GSG1L: variants seen among roughly 807,000 people sequenced by gnomAD.
GSG1L encodes the protein GSG1 like, also known as germ cell-specific gene 1-like protein.
In GSG1L, 24 loss-of-function variants were observed where a neutral mutation model predicts 42.1. The observed-to-expected ratio is 0.57, with a 90% CI of 0.41 to 0.80. The LOEUF is 0.80. GSG1L is among the 30% of genes least tolerant of loss of function. The probability of loss-of-function intolerance (pLI) is 0.00; values close to 1 mark genes in which losing one functional copy is unlikely to be tolerated. For synonymous variants in GSG1L, 215 were observed against 203.5 expected, an observed-to-expected ratio of 1.06 and a Z score of -0.48; for missense variants, 445 against 472.2, an observed-to-expected ratio of 0.94 and a Z score of 0.53.
chr16:27,840,953 G>A (rs9933050), intron 4 of GSG1L, among the ~76,000 whole-genome samples: 39,113 of 152,068 alleles, frequency 0.26, 5,460 homozygotes, highest in Middle Eastern at 0.32. Context: ...CTGAAGCTTC[G>A]AGGAAGAACC....
intron 1 of GSG1L, among the ~76,000 whole-genome samples, chr16:27,995,984 G>C (rs954198747): frequency 6.6e-6 from 1 of 151,998 alleles, no homozygotes; most frequent in Admixed American, 6.6e-5. Flanking sequence ...AGGATTGCTT[G>C]AGCCCAGGAG....
At chr16:28,022,245 TC>T (rs1361616288) in intron 1 of GSG1L, among the ~76,000 whole-genome samples, 1 of 152,136 alleles carries the variant, frequency 6.6e-6, no homozygotes, top group Non-Finnish European at 1.5e-5. Context: ...ATTTTTGACC[TC>T]AGAGGTGATT....
At position 27,834,813 on chromosome 16, in the gene GSG1L, G is replaced by A. The variant is rs543548895; in HGVS notation, c.663-5857C>T. ...GGCATTTTGTGTCTCTCCTCTGTCCGCTCTCTCTGTCACTCTTGCAAGAGG... is the reference window on the plus strand; with the variant it reads ...GGCATTTTGTGTCTCTCCTCTGTCCACTCTCTCTGTCACTCTTGCAAGAGG... On this transcript the variant is annotated intron_variant, in intron 4 of 6. Coordinates refer to ENST00000447459, the MANE Select transcript of GSG1L (RefSeq NM_001109763.2). Among the ~76,000 whole-genome samples, 134 of 152,108 alleles carry A rather than the reference G, an allele frequency of 8.8e-4. 1 individual carries two copies. In the South Asian group the frequency reaches 0.01, roughly 12 times the overall value.
At chr16:27,900,896 G>T (rs2084249249) in intron 2 of GSG1L, among the ~76,000 whole-genome samples, 2 of 151,846 alleles carry the variant, frequency 1.3e-5, no homozygotes, top group Non-Finnish European at 2.9e-5. Flanking sequence ...GGGAGGCCAT[G>T]GTGGGTGGAT....
rs769365433 is a variant in GSG1L at position 27,791,430 on chromosome 16, G to A, written c.936C>T (p.Ser312=). ...TCAGCTCTGGTGCTTCCTGTGCGGA[G>A]CTCCGGGGCCAGGAATCCGCCATGT... ...QPHMADSWPR[S]SAQEAPELNR... is the part of the protein sequence containing the mutation. Residue 312 remains serine (S), a synonymous_variant, in exon 7 of 7, where the codon AGC becomes AGT. Transcript: ENST00000447459. 1.3e-6 allele frequency: 2 copies of A among 1,522,246 alleles called. No individual in the cohort carries two copies. The highest frequency in any genetic ancestry group is 1.8e-6 in the Non-Finnish European group (2 of 1,129,302). The allele number at this position is 1,522,246 out of a possible 1,614,324, so 94.3% of individuals were successfully genotyped here.
At chr16:27,804,154 C>T (rs374274096) in intron 6 of GSG1L, among the ~76,000 whole-genome samples, 11 of 152,122 alleles carry the variant, frequency 7.2e-5, no homozygotes, top group African/African-American at 1.9e-4. Flanking sequence ...TAAAATGCCC[C>T]GGGCTCCCTG....
At chr16:27,859,801 G>A (rs942851859) in intron 3 of GSG1L, among the ~76,000 whole-genome samples, 5 of 151,940 alleles carry the variant, frequency 3.3e-5, no homozygotes, top group South Asian at 4.1e-4. Flanking sequence ...TCAGCTTCCC[G>A]AGTAGCTGAG....
intron 6 of GSG1L, among the ~76,000 whole-genome samples, chr16:27,795,963 T>A (rs1041778181): frequency 3.6e-4 from 55 of 152,198 alleles, no homozygotes; most frequent in African/African-American, 1.2e-3. Context: ...ATTCATTGGG[T>A]TGGGAGGGCC....
intron 2 of GSG1L, among the ~76,000 whole-genome samples, chr16:27,921,424 C>T (rs1052199603): frequency 2.0e-5 from 3 of 152,178 alleles, no homozygotes; most frequent in Admixed American, 6.5e-5. Context: ...GTCATTCTTA[C>T]TACTATTTAA....
chr16:28,046,746 T>C (rs1305385841), intron 1 of GSG1L, among the ~76,000 whole-genome samples: 1 of 152,146 alleles, frequency 6.6e-6, no homozygotes, highest in East Asian at 1.9e-4. Flanking sequence ...ATCAGCCTTG[T>C]CCCTGTTCCT....
intron 2 of GSG1L, among the ~76,000 whole-genome samples, chr16:27,936,759 T>C (rs765092504): frequency 3.9e-5 from 6 of 152,340 alleles, no homozygotes; most frequent in Non-Finnish European, 7.3e-5. Flanking sequence ...GGTACAAAAG[T>C]AATTGCAGTG....
At chr16:27,799,650 C>G (rs997485541) in intron 6 of GSG1L, among the ~76,000 whole-genome samples, 8 of 151,960 alleles carry the variant, frequency 5.3e-5, no homozygotes, top group Non-Finnish European at 1.5e-5. Context: ...GAGGGGAAGG[C>G]GAGAGAAGGC....
At chr16:28,049,472 G>A (rs1333823344) in intron 1 of GSG1L, among the ~76,000 whole-genome samples, 4 of 151,046 alleles carry the variant, frequency 2.6e-5, no homozygotes, top group Non-Finnish European at 5.9e-5. Flanking sequence ...CTTGAGCCCC[G>A]AAGTTCAAGA....
At chr16:27,853,697 A>AC (rs2083541901) in intron 3 of GSG1L, among the ~76,000 whole-genome samples, 1 of 152,194 alleles carries the variant, frequency 6.6e-6, no homozygotes, top group Non-Finnish European at 1.5e-5. Flanking sequence ...CGGAGGTGGC[A>AC]CTTCATGGAG....
At position 27,972,486 on chromosome 16, in the gene GSG1L, T is replaced by C. The variant is rs191177106; in HGVS notation, c.350-9283A>G. 2.2e-3 allele frequency among the ~76,000 whole-genome samples: 329 copies of C among 152,364 alleles called. 1 individual carries two copies. The highest frequency in any genetic ancestry group is 7.4e-3 in the African/African-American group (307 of 41,586). ...GCTTTTAGAAGTGACCCATAAAATATCAAAATCAATGGCAATTAAGTTTAT... is the reference window on the plus strand; with the variant it reads ...GCTTTTAGAAGTGACCCATAAAATACCAAAATCAATGGCAATTAAGTTTAT... On this transcript the variant is annotated intron_variant, in intron 1 of 6. Transcript: ENST00000447459.
At chr16:27,995,586 C>T (rs1466445132) in intron 1 of GSG1L, among the ~76,000 whole-genome samples, 1 of 152,140 alleles carries the variant, frequency 6.6e-6, no homozygotes, top group Non-Finnish European at 1.5e-5. Flanking sequence ...CTTCTATCCC[C>T]TTTCCCTGCA....
At chr16:27,871,407 T>G (rs1282415259) in intron 3 of GSG1L, among the ~76,000 whole-genome samples, 1 of 152,142 alleles carries the variant, frequency 6.6e-6, no homozygotes, top group African/African-American at 2.4e-5. Flanking sequence ...TTGAGGAGGC[T>G]GAAGCAGGCA....
At chr16:27,933,481 T>C (rs926559335) in intron 2 of GSG1L, among the ~76,000 whole-genome samples, 1 of 151,916 alleles carries the variant, frequency 6.6e-6, no homozygotes, top group Non-Finnish European at 1.5e-5. Flanking sequence ...AACCCCCATC[T>C]CTATAAAAAA....
intron 5 of GSG1L, among the ~76,000 whole-genome samples, chr16:27,808,242 C>T (rs2082990729): frequency 6.6e-6 from 1 of 152,138 alleles, no homozygotes; most frequent in Non-Finnish European, 1.5e-5. Context: ...TGTGTTACCA[C>T]ATCCAGCTAA....
Sources: gnomAD v4.1 joint callset for allele counts (sites outside exome capture counted in the v4.1 genomes callset) on GRCh38, gnomAD v4.1.1 for gene constraint, MANE v1.5 for transcripts, NCBI Gene and HGNC (gene_info 2026-07-23, HGNC 2026-07-21) for gene names.